Variants in SAMD12 observed in about 807,000 individuals in gnomAD.
SAMD12 encodes the protein sterile alpha motif domain-containing protein 12.
In SAMD12, 9 loss-of-function variants were observed where a neutral mutation model predicts 15.0. The ratio of observed to expected loss-of-function variants is 0.60; its 90% CI spans 0.36 to 1.05. SAMD12 has a LOEUF of 1.05. SAMD12 is among the 50% of genes least tolerant of loss of function. The probability of loss-of-function intolerance (pLI) is 0.01; values close to 1 mark genes in which losing one functional copy is unlikely to be tolerated. For synonymous variants in SAMD12, 86 were observed against 90.1 expected (o/e 0.96, Z 0.25); for missense variants, 230 against 234.2 (o/e 0.98, Z 0.12).
chr8:118,191,065 C>T (rs1819356160), exon 5 of SAMD12: 1 of 152,096 alleles, frequency 6.6e-6, no homozygotes, highest in Non-Finnish European at 1.5e-5. Flanking sequence ...ACTGAAACTA[C>T]AATAGTATGA....
intron 2 of SAMD12, among the ~76,000 whole-genome samples, chr8:118,488,445 A>G (rs1475348641): frequency 6.6e-6 from 1 of 152,212 alleles, no homozygotes; most frequent in Non-Finnish European, 1.5e-5. Flanking sequence ...TTGCATATGT[A>G]TACACCATGC....
intron 2 of SAMD12, among the ~76,000 whole-genome samples, chr8:118,534,127 G>A (rs898598522): frequency 6.6e-6 from 1 of 152,064 alleles, no homozygotes. Context: ...AGCTCTTTTA[G>A]GGCAGGCCTG....
At chr8:118,620,644 C>A (rs1301171768) in intron 1 of SAMD12, among the ~76,000 whole-genome samples, 1 of 152,140 alleles carries the variant, frequency 6.6e-6, no homozygotes, top group Non-Finnish European at 1.5e-5. Flanking sequence ...GTTGTTAAGA[C>A]AGTCGTTATA....
the SAMD12 span, among the ~76,000 whole-genome samples, chr8:118,133,744 G>A: frequency 6.6e-6 from 1 of 151,566 alleles, no homozygotes; most frequent in Non-Finnish European, 1.5e-5. Context: ...TTAAAAGTGG[G>A]TGGTGGTTGT....
chr8:118,366,876 T>C (rs1268480823), intron 4 of SAMD12, among the ~76,000 whole-genome samples: 2 of 114,656 alleles, frequency 1.7e-5, no homozygotes, highest in East Asian at 2.4e-4. Flanking sequence ...TAAAATAAAA[T>C]AAAATAATAA....
chr8:118,227,023 C>A (rs1812203470), intron 4 of SAMD12, among the ~76,000 whole-genome samples: 1 of 152,094 alleles, frequency 6.6e-6, no homozygotes, highest in African/African-American at 2.4e-5. Context: ...TGGGTATATA[C>A]CTAGAAGAGT....
chr8:118,282,303 C>T (rs118014637), intron 4 of SAMD12: 11 of 456,202 alleles, frequency 2.4e-5, no homozygotes, highest in Admixed American at 1.6e-4. Context: ...CTTGTTTTCG[C>T]CATTTTGCCA....
intron 1 of SAMD12, among the ~76,000 whole-genome samples, chr8:118,587,383 CTG>C (rs1827480124): frequency 6.6e-6 from 1 of 152,222 alleles, no homozygotes; most frequent in Admixed American, 6.5e-5. Context: ...CACAAAAAGT[CTG>C]TAACTCTTTG....
chr8:118,382,290 C>T (rs1220366268), intron 3 of SAMD12, among the ~76,000 whole-genome samples: 1 of 152,176 alleles, frequency 6.6e-6, no homozygotes, highest in African/African-American at 2.4e-5. Flanking sequence ...GCAAGAGCTG[C>T]TGAGGCACTG....
intron 3 of SAMD12, among the ~76,000 whole-genome samples, chr8:118,437,435 G>A (rs1381197170): frequency 1.3e-5 from 2 of 152,154 alleles, no homozygotes; most frequent in Non-Finnish European, 1.5e-5. Flanking sequence ...ATAACAGCAT[G>A]TTTTTCGACA....
chr8:118,522,018 G>A (rs1269194562), intron 2 of SAMD12, among the ~76,000 whole-genome samples: 2 of 151,992 alleles, frequency 1.3e-5, no homozygotes, highest in Non-Finnish European at 2.9e-5. Flanking sequence ...TATCCTATAT[G>A]GTAATACAAC....
At chr8:118,430,261 A>G (rs1372694490) in intron 3 of SAMD12, among the ~76,000 whole-genome samples, 1 of 152,206 alleles carries the variant, frequency 6.6e-6, no homozygotes, top group Non-Finnish European at 1.5e-5. Context: ...TTCTACCTGA[A>G]TATTATCAGT....
At chr8:118,353,442 C>T (rs1483573233) in intron 4 of SAMD12, among the ~76,000 whole-genome samples, 1 of 151,792 alleles carries the variant, frequency 6.6e-6, no homozygotes. Flanking sequence ...GATTAGCGCC[C>T]TTGTAAGAAG....
At chr8:118,410,933 G>A (rs1013607143) in intron 3 of SAMD12, among the ~76,000 whole-genome samples, 2 of 152,136 alleles carry the variant, frequency 1.3e-5, no homozygotes, top group African/African-American at 2.4e-5. Flanking sequence ...CATTAACTTC[G>A]ACATGAGGCA....
At chr8:118,618,028 GTTTTTT>G (rs11308490) in intron 1 of SAMD12, among the ~76,000 whole-genome samples, 15 of 145,520 alleles carry the variant, frequency 1.0e-4, no homozygotes, top group African/African-American at 3.3e-4. Flanking sequence ...CATTGTTTTT[GTTTTTT>G]TTTTTTTTAA....
chr8:118,548,408 CACACACACACACACA>C (rs1483207486), intron 2 of SAMD12, among the ~76,000 whole-genome samples: 8 of 151,130 alleles, frequency 5.3e-5, no homozygotes, highest in Admixed American at 2.6e-4. Context: ...CACACACACA[CACACACACACACACA>C]CCCCATGTGA....
intron 2 of SAMD12, among the ~76,000 whole-genome samples, chr8:118,549,546 G>A (rs868785995): frequency 2.6e-5 from 4 of 152,296 alleles, no homozygotes; most frequent in Middle Eastern, 3.4e-3. Flanking sequence ...TCCATCATCA[G>A]AGGCCAAAAG....
chr8:118,173,934 T>A, the SAMD12 span, among the ~76,000 whole-genome samples: 1 of 152,150 alleles, frequency 6.6e-6, no homozygotes, highest in East Asian at 1.9e-4. Context: ...CCAGCCTATA[T>A]ATATATATAT....
chr8:118,213,523 C>T (rs1811888082), intron 4 of SAMD12, among the ~76,000 whole-genome samples: 1 of 152,170 alleles, frequency 6.6e-6, no homozygotes, highest in Admixed American at 6.5e-5. Flanking sequence ...GATCCTCAGT[C>T]CCCAATGATA....
Sources: allele counts gnomAD v4.1 joint callset (sites outside exome capture counted in the v4.1 genomes callset), GRCh38; gene constraint gnomAD v4.1.1; transcripts MANE v1.5; gene names NCBI Gene and HGNC (gene_info 2026-07-23, HGNC 2026-07-21).